Variants in SH3GL3 observed in about 807,000 individuals in gnomAD.
The protein encoded by SH3GL3 is endophilin-A3.
In SH3GL3, 33 loss-of-function variants were observed where a neutral mutation model predicts 47.7. The observed-to-expected ratio is 0.69, with a 90% confidence interval of 0.52 to 0.92. The LOEUF (loss-of-function observed/expected upper bound fraction) is 0.92. Among genes scored for constraint, SH3GL3 ranks in the 40% least tolerant of loss-of-function variants. The probability of loss-of-function intolerance (pLI) is 0.00; values close to 1 mark genes in which losing one functional copy is unlikely to be tolerated. For synonymous variants in SH3GL3, 155 were observed against 148.8 expected, an observed-to-expected ratio of 1.04 and a Z score of -0.30; for missense variants, 363 against 417.8, an observed-to-expected ratio of 0.87 and a Z score of 1.14.
At chr15:83,449,378 TGAGCA>T (rs201654878) in intron 1 of SH3GL3, among the ~76,000 whole-genome samples, 2,556 of 152,284 alleles carry the variant, frequency 0.017, 20 homozygotes, top group African/African-American at 0.021. Context: ...AGTGCTGCTG[TGAGCA>T]GAGCAGAGCA....
At chr15:83,541,726 A>G (rs1286797103) in intron 1 of SH3GL3, among the ~76,000 whole-genome samples, 3 of 152,168 alleles carry the variant, frequency 2.0e-5, no homozygotes, top group African/African-American at 7.2e-5. Flanking sequence ...GATGTTGAGC[A>G]TCTTTTCATA....
At chr15:83,620,897 C>A (rs992440825), downstream of SH3GL3, among the ~76,000 whole-genome samples, 6 of 152,204 alleles carry the variant, frequency 3.9e-5, no homozygotes, top group African/African-American at 1.4e-4. Context: ...GTTTAGCCAG[C>A]TTCATCAATA....
intron 8 of SH3GL3, among the ~76,000 whole-genome samples, chr15:83,603,803 CA>C (rs1179231078): frequency 6.6e-6 from 1 of 152,148 alleles, no homozygotes; most frequent in Non-Finnish European, 1.5e-5. Flanking sequence ...TTATTATAGG[CA>C]AAAAGTTTTT....
intron 1 of SH3GL3, among the ~76,000 whole-genome samples, chr15:83,506,295 T>A (rs1033273553): frequency 4.2e-4 from 64 of 152,348 alleles, no homozygotes; most frequent in African/African-American, 1.5e-3. Context: ...TTTCCCTGAA[T>A]GTGATGAATA....
At chr15:83,627,409 A>AG in the SH3GL3 span, among the ~76,000 whole-genome samples, 2 of 151,890 alleles carry the variant, frequency 1.3e-5, no homozygotes, top group Non-Finnish European at 2.9e-5. Context: ...AAAAAAAAAA[A>AG]AAAAGAAAAG....
intron 5 of SH3GL3, among the ~76,000 whole-genome samples, 160 bp downstream of exon 5, chr15:83,572,858 G>C (rs17526239): frequency 0.09 from 13,654 of 152,220 alleles, 798 homozygotes; most frequent in Middle Eastern, 0.19. Context: ...CTGGGAAAGA[G>C]TGCCAGGATC....
At chr15:83,602,975 G>A (rs1263602500) in intron 8 of SH3GL3, among the ~76,000 whole-genome samples, 2 of 152,068 alleles carry the variant, frequency 1.3e-5, no homozygotes, top group South Asian at 2.1e-4. Flanking sequence ...ATGTCTTCAG[G>A]CTAGGCTTAT....
intron 5 of SH3GL3, among the ~76,000 whole-genome samples, chr15:83,574,476 G>A (rs1197972980): frequency 6.6e-6 from 1 of 152,078 alleles, no homozygotes; most frequent in Non-Finnish European, 1.5e-5. Flanking sequence ...CCTCTCTGGT[G>A]TATCTTCATT....
chr15:83,598,498 T>A (rs1229938484), intron 8 of SH3GL3, among the ~76,000 whole-genome samples: 1 of 152,188 alleles, frequency 6.6e-6, no homozygotes, highest in Non-Finnish European at 1.5e-5. Flanking sequence ...ATTTTGTAAG[T>A]GATAGGGATT....
intron 1 of SH3GL3, among the ~76,000 whole-genome samples, chr15:83,497,275 G>A (rs185477034): frequency 3.9e-5 from 6 of 152,050 alleles, no homozygotes; most frequent in South Asian, 4.2e-4. Flanking sequence ...TTGTCTTCAC[G>A]CTCTCCTTTA....
At chr15:83,588,849 G>T in intron 8 of SH3GL3, 78 bp downstream of exon 8, 1 of 792,342 alleles carries the variant, frequency 1.3e-6, no homozygotes, top group Non-Finnish European at 2.2e-6. Context: ...GCTTGTTTCT[G>T]GGTCAGTGAA....
At chr15:83,501,429 A>T (rs1315086795) in intron 1 of SH3GL3, among the ~76,000 whole-genome samples, 2 of 152,172 alleles carry the variant, frequency 1.3e-5, no homozygotes, top group African/African-American at 4.8e-5. Flanking sequence ...TTTGCTAATC[A>T]TGATCCTGTT....
chr15:83,544,478 A>G (rs1314108029), intron 1 of SH3GL3, among the ~76,000 whole-genome samples: 3 of 152,156 alleles, frequency 2.0e-5, no homozygotes, highest in Admixed American at 1.3e-4. Context: ...TTTGGTCTAT[A>G]GTGCAGAATA....
chr15:83,574,724 C>G (rs906118302), intron 5 of SH3GL3, among the ~76,000 whole-genome samples: 1 of 152,180 alleles, frequency 6.6e-6, no homozygotes, highest in Admixed American at 6.5e-5. Flanking sequence ...CACCCCTTCC[C>G]CACATGAACT....
intron 1 of SH3GL3, among the ~76,000 whole-genome samples, chr15:83,477,664 T>G (rs187273127): frequency 1.8e-4 from 28 of 152,166 alleles, no homozygotes; most frequent in African/African-American, 6.5e-4. Context: ...TTTTCAGAAA[T>G]TCTATGCAGA....
rs563411859 is a variant in SH3GL3, at chr15:83,472,595, A to G, written c.45+25017A>G. ...TCATATGTTCCATTTCTTTGCTAAG[A>G]CTTTCTATTTTTCACTGCTTCTAGC... On this transcript the variant is annotated intron_variant, in intron 1 of 8. Coordinates refer to ENST00000427482, the MANE Select transcript of SH3GL3 (RefSeq NM_003027.5). Among the ~76,000 whole-genome samples the G allele has an allele frequency of 4.9e-4, 74 of 151,854 alleles. 1 individual carries two copies. Among genetic ancestry groups the G allele is most frequent in the South Asian group, 3.3e-3 (16 of 4,794 alleles).
the SH3GL3 span, among the ~76,000 whole-genome samples, chr15:83,628,718 C>A: frequency 3.9e-5 from 6 of 151,968 alleles, no homozygotes; most frequent in African/African-American, 1.5e-4. Context: ...CTGCCCTCTA[C>A]CCTGGGTGAC....
At chr15:83,534,961 T>C (rs558273800) in intron 1 of SH3GL3, among the ~76,000 whole-genome samples, 3 of 152,322 alleles carry the variant, frequency 2.0e-5, no homozygotes, top group African/African-American at 7.2e-5. Context: ...GTGGAAAGAA[T>C]TGTCTCAGAC....
chr15:83,520,530 T>C (rs1467695174), intron 1 of SH3GL3, among the ~76,000 whole-genome samples: 2 of 152,178 alleles, frequency 1.3e-5, no homozygotes, highest in East Asian at 3.9e-4. Context: ...TTCCAAGAGA[T>C]AGGTGCTGGT....
Sources: allele counts gnomAD v4.1 joint callset (sites outside exome capture counted in the v4.1 genomes callset), GRCh38; gene constraint gnomAD v4.1.1; transcripts MANE v1.5; gene names NCBI Gene and HGNC (gene_info 2026-07-23, HGNC 2026-07-21).